Variants in HOMER2 observed in about 807,000 individuals in gnomAD.
The protein encoded by HOMER2 is homer scaffold protein 2.
HOMER2 carries 27 observed loss-of-function variants against 47.0 expected under a neutral mutation model. The observed-to-expected ratio is 0.57, with a 90% CI of 0.42 to 0.79. The LOEUF (loss-of-function observed/expected upper bound fraction) is 0.79, where lower values mean the gene tolerates loss of function less well. HOMER2 is among the 30% of genes least tolerant of loss of function. The probability of loss-of-function intolerance (pLI) is 0.00; values close to 1 mark genes in which losing one functional copy is unlikely to be tolerated. For synonymous variants in HOMER2, 161 were observed against 163.8 expected (o/e 0.98, Z 0.13); for missense variants, 443 against 435.0 (o/e 1.02, Z -0.16).
chr15:82,842,564 T>C (rs2051187940), exon 2 of HOMER2: 1 of 150,288 alleles, frequency 6.7e-6, no homozygotes, highest in Non-Finnish European at 1.5e-5. Flanking sequence ...TCCATCCACC[T>C]TGGCCTCCCA....
chr15:82,836,871 C>T (rs2051133058), downstream of HOMER2: 2 of 152,242 alleles, frequency 1.3e-5, no homozygotes, highest in Non-Finnish European at 2.9e-5. Flanking sequence ...GGCTCTCAGA[C>T]CATAGGGTGT....
At chr15:82,953,700 C>G (rs2054553031), upstream of HOMER2, among the ~76,000 whole-genome samples, 1 of 152,060 alleles carries the variant, frequency 6.6e-6, no homozygotes, top group South Asian at 2.1e-4. Flanking sequence ...GGTGAAACCC[C>G]GTCTCTACTA....
chr15:82,845,721 C>T (rs7174089), downstream of HOMER2: 70,975 of 151,958 alleles, frequency 0.47, 16,942 homozygotes, highest in Admixed American at 0.51. Flanking sequence ...AGTCACATCA[C>T]GTCTGCCTTC....
At position 82,931,522 on chromosome 15, in the gene HOMER2, A is replaced by C. The variant is rs751481123; in HGVS notation, c.5+21009T>G. On this transcript the variant is annotated intron_variant, in intron 1 of 8. Coordinates refer to ENST00000450735, the MANE Select transcript of HOMER2 (RefSeq NM_004839.4). Reference sequence around the variant, plus strand: ...TTTTCAGAATATTTCATCCTTGGTGAAGCATGCCTGCTTTAAAAAAAAAAA... The same window carrying C: ...TTTTCAGAATATTTCATCCTTGGTGCAGCATGCCTGCTTTAAAAAAAAAAA... Among the ~76,000 whole-genome samples, 33 of 150,388 alleles carry C rather than the reference A, an allele frequency of 2.2e-4. 1 individual carries two copies. The highest frequency in any genetic ancestry group is 3.0e-4 in the Non-Finnish European group (20 of 67,674).
chr15:82,921,336 C>G (rs551233195), intron 1 of HOMER2, among the ~76,000 whole-genome samples: 7 of 152,298 alleles, frequency 4.6e-5, no homozygotes, highest in Admixed American at 2.6e-4. Flanking sequence ...CCTTGCTCCA[C>G]TCTTCTCCTG....
Position 82,952,580 on chromosome 15 carries a change from T to G in HOMER2, c.-45A>C. The G allele has an allele frequency of 6.9e-6, 8 of 1,155,946 alleles. No homozygotes were observed. Among genetic ancestry groups the G allele is most frequent in the Non-Finnish European group, 8.5e-6 (8 of 939,586 alleles). The allele number at this position is 1,155,946 out of a possible 1,614,324, so 71.6% of individuals were successfully genotyped here. A position where few individuals can be genotyped will look rare whatever the true frequency, so the allele number is the denominator to read the frequency against. On this transcript the variant is annotated 5_prime_UTR_variant, in exon 1 of 9. Transcript: ENST00000450735. ...GCCGCTCCGACGGGGCCTCTCGCGC[T>G]CGCTCTCCGCCCGCTCGGCAGCCGC...
At chr15:82,951,524 A>G (rs1019078430) in intron 1 of HOMER2, among the ~76,000 whole-genome samples, 9 of 152,254 alleles carry the variant, frequency 5.9e-5, no homozygotes, top group African/African-American at 1.9e-4. Context: ...CCCAAACAGG[A>G]AAGCAAGATC....
At chr15:82,862,979 C>T (rs991504878) in intron 4 of HOMER2, among the ~76,000 whole-genome samples, 1 of 152,148 alleles carries the variant, frequency 6.6e-6, no homozygotes, top group Admixed American at 6.5e-5. Flanking sequence ...ATTTCTCCCT[C>T]CCTGTCATCT....
chr15:82,935,548 T>G (rs1397871843), intron 1 of HOMER2, among the ~76,000 whole-genome samples: 1 of 151,864 alleles, frequency 6.6e-6, no homozygotes, highest in Non-Finnish European at 1.5e-5. Context: ...ATTACCTACC[T>G]CCTCCCCAGC....
At chr15:82,899,481 A>G (rs564469656) in intron 1 of HOMER2, among the ~76,000 whole-genome samples, 9 of 152,378 alleles carry the variant, frequency 5.9e-5, no homozygotes, top group African/African-American at 2.2e-4. Context: ...AGATGTGGAC[A>G]GAAATTTTTT....
intron 1 of HOMER2, among the ~76,000 whole-genome samples, chr15:82,935,325 A>AGGC (rs2054118359): frequency 6.6e-6 from 1 of 151,764 alleles, no homozygotes; most frequent in African/African-American, 2.4e-5. Context: ...CCTGCTTAGG[A>AGGC]CACTTCTCCA....
At chr15:82,925,565 A>G (rs2053834065) in intron 1 of HOMER2, among the ~76,000 whole-genome samples, 1 of 152,180 alleles carries the variant, frequency 6.6e-6, no homozygotes, top group Non-Finnish European at 1.5e-5. Flanking sequence ...CCTTGTCCAC[A>G]TTCAGCCCCC....
intron 1 of HOMER2, among the ~76,000 whole-genome samples, chr15:82,935,263 C>T (rs1017033156): frequency 6.6e-6 from 1 of 152,186 alleles, no homozygotes; most frequent in Non-Finnish European, 1.5e-5. Flanking sequence ...CCTTCCAACC[C>T]ACCTGGCTCC....
chr15:82,902,750 C>T (rs1256907717), intron 1 of HOMER2, among the ~76,000 whole-genome samples: 2 of 149,842 alleles, frequency 1.3e-5, no homozygotes, highest in South Asian at 2.1e-4. Flanking sequence ...TGACTAGATA[C>T]GGTTTTTTAA....
intron 1 of HOMER2, among the ~76,000 whole-genome samples, chr15:82,917,044 C>T (rs535356956): frequency 4.6e-5 from 7 of 152,288 alleles, no homozygotes; most frequent in Admixed American, 6.5e-5. Flanking sequence ...TTGTGATTCG[C>T]CTGCCTCGGC....
At chr15:82,976,967 T>C (rs972924514) in intron 1 of HOMER2, among the ~76,000 whole-genome samples, 7 of 152,008 alleles carry the variant, frequency 4.6e-5, no homozygotes, top group African/African-American at 1.7e-4. Flanking sequence ...TGAGCTACCG[T>C]GCCCAGCTGT....
rs1236151811 is a variant in HOMER2 at position 82,952,465 on chromosome 15, G to T, written c.5+66C>A. 4 of 1,101,950 alleles carry T rather than the reference G, an allele frequency of 3.6e-6. No individual in the cohort carries two copies. The East Asian group carries it at 1.1e-4, about 30-fold the overall frequency. The allele number at this position is 1,101,950 out of a possible 1,614,324, so 68.3% of individuals were successfully genotyped here. Reference sequence around the variant, plus strand: ...GCCGGGAGGCTCCGAGCCCGGTTACGCCAGCCGCGGCCCCGCAGTCCCTCC... The same window carrying T: ...GCCGGGAGGCTCCGAGCCCGGTTACTCCAGCCGCGGCCCCGCAGTCCCTCC... On this transcript the variant is annotated intron_variant, in intron 1 of 8. Coordinates refer to ENST00000450735, the MANE Select transcript of HOMER2 (RefSeq NM_004839.4).
intron 1 of HOMER2, among the ~76,000 whole-genome samples, chr15:82,918,848 A>G (rs1042421816): frequency 9.2e-5 from 14 of 151,368 alleles, no homozygotes; most frequent in Non-Finnish European, 1.2e-4. Context: ...GGTGTGTTGA[A>G]CTCGGCCCCG....
chr15:82,836,744 TC>T (rs776612721), downstream of HOMER2, among the ~76,000 whole-genome samples: 18 of 152,220 alleles, frequency 1.2e-4, no homozygotes, highest in South Asian at 1.2e-3. Context: ...CATTCTCTCT[TC>T]AGAATTTGAA....
Sources: gnomAD v4.1 joint callset for allele counts (sites outside exome capture counted in the v4.1 genomes callset) on GRCh38, gnomAD v4.1.1 for gene constraint, MANE v1.5 for transcripts, NCBI Gene and HGNC (gene_info 2026-07-23, HGNC 2026-07-21) for gene names.